DNAH12: variants seen among roughly 807,000 people sequenced by gnomAD.
DNAH12 encodes axonemal beta dynein heavy chain 12.
DNAH12 carries 285 observed loss-of-function variants against 371.5 expected under a neutral mutation model. That is an observed-to-expected ratio of 0.77 (90% confidence interval 0.70 to 0.85). The LOEUF is 0.85. Among genes scored for constraint, DNAH12 ranks in the 40% least tolerant of loss-of-function variants. The pLI, the probability that DNAH12 is intolerant of heterozygous loss-of-function variation, is 0.00. For synonymous variants in DNAH12, 1,200 were observed against 1,213.0 expected (o/e 0.99, Z 0.22); for missense variants, 3,611 against 3,689.4 (o/e 0.98, Z 0.55).
At chr3:57,528,660 A>G (rs1188839079) in intron 2 of DNAH12, among the ~76,000 whole-genome samples, 14 of 149,352 alleles carry the variant, frequency 9.4e-5, no homozygotes, top group African/African-American at 3.4e-4. Flanking sequence ...CGGGAGGCGG[A>G]GGTTGCGGTG....
chr3:57,438,485 A>C (rs6785218), intron 29 of DNAH12, among the ~76,000 whole-genome samples: 1,585 of 152,292 alleles, frequency 0.01, 21 homozygotes, highest in African/African-American at 0.036. Context: ...AAAAAGAAGA[A>C]GTCAAACTGT....
In DNAH12 at chr3:57,405,750, C is replaced by T. The variant is rs368712929; in HGVS notation, c.6479G>A (p.Arg2160Gln). 113 of 1,551,566 alleles carry T rather than the reference C, an allele frequency of 7.3e-5. No homozygotes were observed. The highest frequency in any genetic ancestry group is 9.0e-5 in the Non-Finnish European group (103 of 1,146,958). ...TTTAGTTAACTGGAACAGCCATCTT[C>T]GATCATCATCATTAATGAGGCGATC... ...FYDRLINDDDRRWLFQLTKTV... is the reference protein window; with the variant it reads ...FYDRLINDDDQRWLFQLTKTV... Residue 2160 changes from arginine to glutamine, a missense_variant, in exon 41 of 74, where the codon CGA becomes CAA. By Grantham distance (43) the Arg-to-Gln change is conservative (BLOSUM62 1). Transcript: ENST00000495027.
intron 13 of DNAH12, among the ~76,000 whole-genome samples, chr3:57,480,216 C>T (rs1483829844): frequency 2.0e-5 from 3 of 151,946 alleles, no homozygotes; most frequent in African/African-American, 7.3e-5. Flanking sequence ...CAAATAGATG[C>T]AATAAAAAAT....
intron 1 of DNAH12, among the ~76,000 whole-genome samples, chr3:57,543,164 A>G (rs1305008192): frequency 6.6e-6 from 1 of 152,088 alleles, no homozygotes; most frequent in Non-Finnish European, 1.5e-5. Flanking sequence ...AAGGAATTGA[A>G]TTAGATGCTC....
chr3:57,375,305 C>T (rs927280488), intron 55 of DNAH12, 66 bp downstream of exon 55: 5 of 152,048 alleles, frequency 3.3e-5, no homozygotes, highest in South Asian at 2.1e-4. Flanking sequence ...ATTCTTTCAA[C>T]GTTTCTATAT....
rs573995640 is a variant in DNAH12, at chr3:57,459,901, C to T, written c.2737-115G>A. 98 of 926,828 alleles carry T rather than the reference C, an allele frequency of 1.1e-4. No individual in the cohort carries two copies. In the African/African-American group the frequency reaches 1.3e-3, roughly 12 times the overall value. The allele number at this position is 926,828 out of a possible 1,614,324, so 57.4% of individuals were successfully genotyped here. On this transcript the variant is annotated intron_variant, in intron 19 of 73. Transcript: ENST00000495027. The stretch of plus-strand genomic sequence containing the variant: ...TTTTTAAATAAGTGCAAACATCTCA[C>T]AGCTTAAGGTTACTTATGTATGTCT...
intron 2 of DNAH12, among the ~76,000 whole-genome samples, chr3:57,528,160 C>T (rs903090532): frequency 6.6e-6 from 1 of 151,826 alleles, no homozygotes; most frequent in Non-Finnish European, 1.5e-5. Context: ...TCTTGAGTAG[C>T]TGGGATTACA....
At chr3:57,421,770 T>G (rs987323363) in intron 35 of DNAH12, 64 bp from the exon 36 acceptor site, 54 of 1,525,010 alleles carry the variant, frequency 3.5e-5, no homozygotes, top group Non-Finnish European at 4.4e-5. Flanking sequence ...GGAGAAACAT[T>G]AACCAAAATT....
chr3:57,507,500 T>C, intron 8 of DNAH12, 143 bp downstream of exon 8: 3 of 637,654 alleles, frequency 4.7e-6, no homozygotes, highest in Non-Finnish European at 2.4e-6. Context: ...AATATTTTTC[T>C]GCTAAAATTA....
intron 28 of DNAH12, 76 bp downstream of exon 28, chr3:57,445,098 G>A: frequency 7.0e-7 from 1 of 1,423,390 alleles, no homozygotes; most frequent in Middle Eastern, 2.5e-4. Flanking sequence ...GTGCCTATTT[G>A]TAGTTCCTGA....
At chr3:57,422,709 G>A (rs1378387550) in intron 35 of DNAH12, among the ~76,000 whole-genome samples, 1 of 152,162 alleles carries the variant, frequency 6.6e-6, no homozygotes. Flanking sequence ...TTTCTCTTGT[G>A]GGAGTTTATA....
chr3:57,448,664 CCA>C (rs1378281561), intron 25 of DNAH12, among the ~76,000 whole-genome samples: 1 of 152,198 alleles, frequency 6.6e-6, no homozygotes, highest in Non-Finnish European at 1.5e-5. Context: ...TTATCTGGCC[CCA>C]CCCACATCCT....
At chr3:57,538,715 C>T (rs1265545989) in intron 2 of DNAH12, among the ~76,000 whole-genome samples, 3 of 152,134 alleles carry the variant, frequency 2.0e-5, no homozygotes, top group African/African-American at 4.8e-5. Flanking sequence ...TGCTCACTTG[C>T]GCTCTCTCCT....
chr3:57,487,361 AAG>A (rs1398931344), intron 12 of DNAH12, among the ~76,000 whole-genome samples: 63 of 78,166 alleles, frequency 8.1e-4, no homozygotes, highest in Non-Finnish European at 1.1e-3. Context: ...GAGAGAAAGA[AAG>A]AGAAAGAAAG....
At chr3:57,341,065 G>A (rs527443023) in intron 60 of DNAH12, among the ~76,000 whole-genome samples, 64 of 152,192 alleles carry the variant, frequency 4.2e-4, no homozygotes, top group African/African-American at 1.3e-3. Flanking sequence ...CAGAAAAAGC[G>A]TTTGATAAAA....
intron 60 of DNAH12, among the ~76,000 whole-genome samples, chr3:57,338,457 G>C: frequency 6.8e-6 from 1 of 146,982 alleles, no homozygotes; most frequent in South Asian, 2.2e-4. Flanking sequence ...TGGGATGTGG[G>C]GAGCGCCTTT....
intron 11 of DNAH12, among the ~76,000 whole-genome samples, chr3:57,497,130 C>T (rs999706518): frequency 7.2e-5 from 11 of 152,300 alleles, no homozygotes; most frequent in Non-Finnish European, 7.3e-5. Flanking sequence ...ACACTATGGT[C>T]ATGTATTGAA....
rs575390801 is a variant in DNAH12, at chr3:57,408,477, T to C, written c.6079A>G (p.Met2027Val). 4.5e-6 allele frequency: 7 copies of C among 1,551,448 alleles called. No homozygotes were observed. In the East Asian group the frequency reaches 7.3e-5, roughly 16 times the overall value. The stretch of plus-strand genomic sequence containing the variant: ...TTTCTTCCACCACCTGGAGGGCCCA[T>C]TGCAGCAATCAGCTCTATGTCCACC... The part of the protein sequence containing the change: ...TLVDIELIAA[M>V]GPPGGGRNPV... Residue 2027 changes from methionine (M) to valine (V), a missense_variant, in exon 40 of 74, where the codon ATG becomes GTG. Met to Val is a conservative substitution (Grantham distance 21, BLOSUM62 1). Coordinates refer to ENST00000495027, the MANE Select transcript of DNAH12 (RefSeq NM_001366028.2).
In DNAH12 at chr3:57,333,329, C is replaced by CTTTTTTT. The variant is rs34135477; in HGVS notation, c.9978+1129_9978+1135dup. The stretch of plus-strand genomic sequence containing the variant: ...CGGATACATGTTCTTTTTAAGGCAA[C>CTTTTTTT]TTTTTTTTTTTTTTTTTTTTAGATG... On this transcript the variant is annotated intron_variant, in intron 62 of 73. Coordinates refer to ENST00000495027, the MANE Select transcript of DNAH12 (RefSeq NM_001366028.2). Among the ~76,000 whole-genome samples, 140 of 111,048 alleles carry CTTTTTTT rather than the reference C, an allele frequency of 1.3e-3. 18 individuals are homozygous for CTTTTTTT. The highest frequency in any genetic ancestry group is 5.4e-3 in the African/African-American group (118 of 21,886). 72.9% of individuals were successfully genotyped at this position (111,048 alleles called of 152,430 possible). A position where few individuals can be genotyped will look rare whatever the true frequency, so the allele number is the denominator to read the frequency against.
Sources: gnomAD v4.1 joint callset for allele counts (sites outside exome capture counted in the v4.1 genomes callset) on GRCh38, gnomAD v4.1.1 for gene constraint, MANE v1.5 for transcripts, NCBI Gene and HGNC (gene_info 2026-07-23, HGNC 2026-07-21) for gene names.